The following DEPDC5 variants were observed in gnomAD, a reference collection of about 807,000 sequenced individuals.
DEPDC5 encodes the protein GATOR1 complex protein DEPDC5.
A neutral mutation model predicts 217.3 loss-of-function variants in DEPDC5; 73 were observed. The observed-to-expected ratio is 0.34, with a 90% CI of 0.28 to 0.41. The LOEUF (loss-of-function observed/expected upper bound fraction) is 0.41. Among genes scored for constraint, DEPDC5 ranks in the 10% least tolerant of loss-of-function variants. DEPDC5 has a pLI of 1.00. For synonymous variants in DEPDC5, 733 were observed against 756.7 expected, an observed-to-expected ratio of 0.97 and a Z score of 0.51; for missense variants, 1,675 against 2,070.1, an observed-to-expected ratio of 0.81 and a Z score of 3.70.
At chr22:31,877,462 A>C (rs1265379054) in intron 37 of DEPDC5, among the ~76,000 whole-genome samples, 2 of 145,016 alleles carry the variant, frequency 1.4e-5, no homozygotes, top group Non-Finnish European at 3.0e-5. Context: ...AAAAAAAAAA[A>C]AAAAACAGGC....
chr22:31,861,322 G>A (rs545753861), intron 32 of DEPDC5, 46 bp from the exon 33 acceptor site: 11 of 1,538,404 alleles, frequency 7.2e-6, no homozygotes, highest in South Asian at 4.8e-5. Context: ...CCGTTTCTTC[G>A]CTTCCTTGCA....
chr22:31,761,543 G>A (rs890129461), intron 4 of DEPDC5, among the ~76,000 whole-genome samples: 1 of 151,518 alleles, frequency 6.6e-6, no homozygotes, highest in Non-Finnish European at 1.5e-5. Context: ...GACGCTTATA[G>A]TCCTAGCTAC....
At chr22:31,882,072 T>C (rs1036017646) in intron 38 of DEPDC5, among the ~76,000 whole-genome samples, 3 of 152,076 alleles carry the variant, frequency 2.0e-5, no homozygotes, top group African/African-American at 7.2e-5. Context: ...GAAAACCTGT[T>C]ACAAATATAA....
At chr22:31,886,731 G>A (rs546047455) in intron 38 of DEPDC5, among the ~76,000 whole-genome samples, 5 of 124,200 alleles carry the variant, frequency 4.0e-5, no homozygotes, top group Non-Finnish European at 6.5e-5. Context: ...CTGCACTCCC[G>A]CCTGAAAAAA....
chr22:31,860,361 A>G lies in DEPDC5; in HGVS notation c.3265-1007A>G, dbSNP rs1014264859. On this transcript the variant is annotated intron_variant, in intron 32 of 42. Coordinates refer to ENST00000651528, the MANE Select transcript of DEPDC5 (RefSeq NM_001242896.3). ...CTTACGGGAAGTGGCAGCAGTATCA[A>G]TAAAATGGGCACCCAAATATTTCAG... Among the ~76,000 whole-genome samples, 100 of 152,240 alleles carry G rather than the reference A, an allele frequency of 6.6e-4. 2 individuals are homozygous for G. The highest frequency in any genetic ancestry group is 4.3e-3 in the Admixed American group (66 of 15,278).
chr22:31,879,838 A>G lies in DEPDC5; in HGVS notation c.4033+86A>G, dbSNP rs1029428295. The G allele has an allele frequency of 6.2e-6, 8 of 1,300,556 alleles. No homozygotes were observed. In the African/African-American group the frequency reaches 1.2e-4, roughly 19 times the overall value. The allele number at this position is 1,300,556 out of a possible 1,614,324, so 80.6% of individuals were successfully genotyped here. ...TGGCCAGCCAAGGGAACGATGCCAC[A>G]TGAACCAGGATTAGAGTCGCTGAGG... On this transcript the variant is annotated intron_variant, in intron 38 of 42. Coordinates refer to ENST00000651528, the MANE Select transcript of DEPDC5 (RefSeq NM_001242896.3).
chr22:31,857,646 A>G (rs2092354844), intron 32 of DEPDC5, 93 bp downstream of exon 32: 1 of 1,044,968 alleles, frequency 9.6e-7, no homozygotes, highest in East Asian at 2.6e-5. Context: ...CCGGGATTGC[A>G]TGTGCAGAGG....
rs1569144635 is a variant in DEPDC5 at position 31,864,521 on chromosome 22, TA to T, written c.3330+3089del. Among the ~76,000 whole-genome samples, 15 of 133,550 alleles carry T rather than the reference TA, an allele frequency of 1.1e-4. 1 individual carries two copies. The highest frequency in any genetic ancestry group is 3.2e-4 in the African/African-American group (11 of 34,162). The allele number at this position is 133,550 out of a possible 152,430, so 87.6% of individuals were successfully genotyped here. A position where few individuals can be genotyped will look rare whatever the true frequency, so the allele number is the denominator to read the frequency against. On this transcript the variant is annotated intron_variant, in intron 33 of 42. Coordinates refer to ENST00000651528, the MANE Select transcript of DEPDC5 (RefSeq NM_001242896.3). Reference sequence around the variant, plus strand: ...ATTAAAATATATATATATATATATATATATTTATATATTTATTTATTTACTG... The same window carrying T: ...ATTAAAATATATATATATATATATATTATTTATATATTTATTTATTTACTG...
chr22:31,855,614 G>A (rs1026334962), intron 31 of DEPDC5, among the ~76,000 whole-genome samples: 2 of 151,862 alleles, frequency 1.3e-5, no homozygotes, highest in East Asian at 1.9e-4. Flanking sequence ...TCTTGACCTC[G>A]TGATCCGCCT....
At position 31,777,908 on chromosome 22, in the gene DEPDC5, C is replaced by G. The variant is rs149665302; in HGVS notation, c.414-191C>G. ...GACTACAGGCATGTGTCACCATGCCCGGCTAAATTTTGGATTTTTAGTATA... is the reference window on the plus strand; with the variant it reads ...GACTACAGGCATGTGTCACCATGCCGGGCTAAATTTTGGATTTTTAGTATA... On this transcript the variant is annotated intron_variant, in intron 7 of 42. Transcript: ENST00000651528. The G allele has an allele frequency of 2.1e-4, 119 of 575,676 alleles. No individual in the cohort carries two copies. In the African/African-American group the frequency reaches 2.1e-3, roughly 10 times the overall value. The allele number at this position is 575,676 out of a possible 1,614,324, so 35.7% of individuals were successfully genotyped here.
chr22:31,778,110 G>T lies in DEPDC5; in HGVS notation c.425G>T (p.Gly142Val). The change falls in exon 8 of 43, where the codon GGT becomes GTT. Residue 142 changes from glycine (G) to valine (V), a missense_variant. Transcript: ENST00000651528. ...GTGTATTCTTTCAGAGCACAGGCTG[G>T]TGAACTGTGGGTTAAGAATGAGAAG... ...VEFAGIRAQA[G>V]ELWVKNEKVM... The T allele has an allele frequency of 6.2e-7, 1 of 1,614,194 alleles. No homozygotes were observed. Among genetic ancestry groups the T allele is most frequent in the Non-Finnish European group, 8.5e-7 (1 of 1,180,028 alleles).
chr22:31,822,756 G>A lies in DEPDC5; in HGVS notation c.2070G>A (p.Glu690=). The A allele has an allele frequency of 6.2e-7, 1 of 1,614,110 alleles. No individual in the cohort carries two copies. Among genetic ancestry groups the A allele is most frequent in the African/African-American group, 1.3e-5 (1 of 75,038 alleles). ...MSFLNFSGTE[E]LSVGLLSNSG... is the part of the protein sequence containing the mutation. ...TCTTGAACTTCAGTGGAACAGAGGA[G>A]CTTTCTGTCGGCCTGCTTAGCAACA... Residue 690 remains glutamate, a synonymous_variant, in exon 24 of 43, where the codon GAG becomes GAA. Coordinates refer to ENST00000651528, the MANE Select transcript of DEPDC5 (RefSeq NM_001242896.3).
intron 7 of DEPDC5, among the ~76,000 whole-genome samples, chr22:31,773,268 G>T (rs1442485728): frequency 6.6e-6 from 1 of 151,924 alleles, no homozygotes; most frequent in Non-Finnish European, 1.5e-5. Context: ...CCTCACTACA[G>T]CCTCAACCTC....
rs1297533310 is a variant in DEPDC5, at chr22:31,803,652, A to G, written c.1082-510A>G. Among the ~76,000 whole-genome samples, 4 of 152,156 alleles carry G rather than the reference A, an allele frequency of 2.6e-5. No homozygotes were observed. In the East Asian group the frequency reaches 7.8e-4, roughly 29 times the overall value. ...CAAGATGGAGTTGGGACGCTGAGGC[A>G]GTAGAATTGCTTGAACCCAGAAGGT... On this transcript the variant is annotated intron_variant, in intron 15 of 42. Transcript: ENST00000651528.
At chr22:31,843,576 G>A in intron 28 of DEPDC5, 69 bp from the exon 29 acceptor site, 4 of 1,539,122 alleles carry the variant, frequency 2.6e-6, no homozygotes, top group Non-Finnish European at 2.7e-6. Flanking sequence ...TATAGAGATA[G>A]AAAATAAGAA....
intron 12 of DEPDC5, among the ~76,000 whole-genome samples, chr22:31,794,715 C>A (rs1292198160): frequency 6.6e-6 from 1 of 152,052 alleles, no homozygotes; most frequent in Non-Finnish European, 1.5e-5. Flanking sequence ...AAAACCCTGT[C>A]TCTACAAAAA....
intron 4 of DEPDC5, among the ~76,000 whole-genome samples, chr22:31,762,004 G>T (rs563309627): frequency 6.7e-6 from 1 of 149,942 alleles, no homozygotes; most frequent in Non-Finnish European, 1.5e-5. Flanking sequence ...CAACCTGCCT[G>T]TTGCCCAGGT....
chr22:31,848,492 C>G (rs1018344508), intron 31 of DEPDC5, among the ~76,000 whole-genome samples: 8 of 152,218 alleles, frequency 5.3e-5, no homozygotes, highest in African/African-American at 1.9e-4. Flanking sequence ...GGGGCTTACA[C>G]CTTCTGAAGC....
At chr22:31,854,959 T>G (rs1038635329) in intron 31 of DEPDC5, among the ~76,000 whole-genome samples, 5 of 127,460 alleles carry the variant, frequency 3.9e-5, no homozygotes, top group Middle Eastern at 7.6e-3. Context: ...GTCTTGCTGG[T>G]TTTTTTTTTT....
Sources: gnomAD v4.1 joint callset for allele counts (sites outside exome capture counted in the v4.1 genomes callset) on GRCh38, gnomAD v4.1.1 for gene constraint, MANE v1.5 for transcripts, NCBI Gene and HGNC (gene_info 2026-07-23, HGNC 2026-07-21) for gene names.